The following ESRP2 variants were observed in gnomAD, a reference collection of about 807,000 sequenced individuals.
ESRP2 encodes epithelial splicing regulatory protein 2.
ESRP2 carries 48 observed loss-of-function variants against 78.6 expected under a neutral mutation model. The observed-to-expected ratio is 0.61, with a 90% CI of 0.48 to 0.78. The LOEUF (loss-of-function observed/expected upper bound fraction) is 0.78, where lower values mean the gene tolerates loss of function less well. Ranked by LOEUF, ESRP2 falls within the 30% of genes least tolerant of loss-of-function variation. The pLI is 0.00. For missense variants in ESRP2, 863 were observed against 965.9 expected, an observed-to-expected ratio of 0.89 and a Z score of 1.41; for synonymous variants, 383 against 406.7, an observed-to-expected ratio of 0.94 and a Z score of 0.70.
At position 68,231,898 on chromosome 16, in the gene ESRP2, ACAAG is replaced by A; in HGVS notation, c.1199_1202del (p.Ala400ValfsTer35). The A allele has an allele frequency of 2.5e-6, 4 of 1,613,882 alleles. No homozygotes were observed. The highest frequency in any genetic ancestry group is 3.4e-6 in the Non-Finnish European group (4 of 1,179,980). On this transcript the variant is annotated frameshift_variant, in exon 10 of 15. Transcript: ENST00000473183. LOFTEE classifies it high-confidence loss of function. This position sits in a 1 kb window ranked among gnomAD's most constrained non-coding sequence, Gnocchi z 6.0. The stretch of plus-strand genomic sequence containing the variant: ...GCAGTGCAGCCTGTGCCAGCTCCTC[ACAAG>A]CAAAGAGGGCGAAGGCATCACCAGT...
At chr16:68,230,622 C>T (rs2042116368) in intron 13 of ESRP2, 68 bp from the exon 14 acceptor site, 2 of 1,500,226 alleles carry the variant, frequency 1.3e-6, no homozygotes, top group East Asian at 2.3e-5. Context: ...CTGTTTCCCT[C>T]CTCCCTTGTT....
rs2042203681 is a variant in ESRP2, at chr16:68,235,008, GGAAAA to G, written c.327+621_327+625del. 8.5e-6 allele frequency: 4 copies of G among 470,022 alleles called. No individual in the cohort carries two copies. The highest frequency in any genetic ancestry group is 6.4e-5 in the Admixed American group (1 of 15,680). The allele number at this position is 470,022 out of a possible 1,614,324, so 29.1% of individuals were successfully genotyped here. A position where few individuals can be genotyped will look rare whatever the true frequency, so the allele number is the denominator to read the frequency against. On this transcript the variant is annotated intron_variant, in intron 2 of 14. Coordinates refer to ENST00000473183, the MANE Select transcript of ESRP2 (RefSeq NM_024939.3). The surrounding 1 kb of genome is among the most constrained non-coding windows in gnomAD (Gnocchi z 5.5). ...AGAATGAGCGCCGTAGTGAAGATAA[GGAAAA>G]GAAAACAGCAATGGAAACCACCTCC...
chr16:68,229,460 T>A lies in ESRP2; in HGVS notation c.*766A>T, dbSNP rs554763382. The stretch of plus-strand genomic sequence containing the variant: ...TGCGTGCAAAGGACATTCCATGGTG[T>A]CTGCTGGGTTCAGGGCAACTGGCTT... On this transcript the variant is annotated 3_prime_UTR_variant, in exon 15 of 15. Transcript: ENST00000473183. 1 of 152,804 alleles carries A rather than the reference T, an allele frequency of 6.5e-6. No homozygotes were observed. The highest frequency in any genetic ancestry group is 2.1e-4 in the South Asian group (1 of 4,830). 9.5% of individuals were successfully genotyped at this position (152,804 alleles called of 1,614,324 possible).
Position 68,232,752 on chromosome 16 carries a change from C to A in ESRP2, c.710+9G>T. On this transcript the variant is annotated intron_variant, in intron 6 of 14. Transcript: ENST00000473183. The surrounding 1 kb of genome is among the most constrained non-coding windows in gnomAD (Gnocchi z 5.2). ...TGTTGTCACCCCCAGCCCCTGCTCC[C>A]ACACTCACCAAGGCCCCGTCTCGTA... 6.8e-6 allele frequency: 11 copies of A among 1,614,268 alleles called. No individual in the cohort carries two copies. The highest frequency in any genetic ancestry group is 9.3e-6 in the Non-Finnish European group (11 of 1,180,046).
In ESRP2 at chr16:68,232,813, G is replaced by C. The variant is rs2042164308; in HGVS notation, c.658C>G (p.Gln220Glu). ...ATCACCTCGGGCTTCGAAAACAATT[G>C]ACCTGAGAAAAGATGGCCTGGGGGT... ...ILHLLKEPSS[Q>E]LFSKPEVIKQ... Residue 220 changes from glutamine to glutamate, a missense_variant and splice_region_variant, in exon 6 of 15, where the codon CAA becomes GAA. Gln to Glu is a conservative substitution (Grantham distance 29). Coordinates refer to ENST00000473183, the MANE Select transcript of ESRP2 (RefSeq NM_024939.3). This position sits in a 1 kb window ranked among gnomAD's most constrained non-coding sequence, Gnocchi z 5.2. 6.2e-7 allele frequency: 1 copy of C among 1,613,666 alleles called. No homozygotes were observed. Among genetic ancestry groups the C allele is most frequent in the East Asian group, 2.2e-5 (1 of 44,888 alleles).
Position 68,232,149 on chromosome 16 carries a change from C to G in ESRP2, c.998-46G>C. 6.2e-7 allele frequency: 1 copy of G among 1,611,826 alleles called. No homozygotes were observed. Among genetic ancestry groups the G allele is most frequent in the South Asian group, 1.1e-5 (1 of 90,840 alleles). ...CTGACTTCACTCATGCTCCTCCAGA[C>G]ACTCACCCATGCAGGGGAGCAGGCA... On this transcript the variant is annotated intron_variant, in intron 9 of 14. Coordinates refer to ENST00000473183, the MANE Select transcript of ESRP2 (RefSeq NM_024939.3). This position sits in a 1 kb window ranked among gnomAD's most constrained non-coding sequence, Gnocchi z 5.2.
chr16:68,231,105 C>G lies in ESRP2; in HGVS notation c.1711+73G>C. ...TGGGGTAGCCAGAAAGGAGTCCCCG[C>G]TATAGAAGGTAGGGGCTTACAACAG... On this transcript the variant is annotated intron_variant, in intron 12 of 14. Transcript: ENST00000473183. This position sits in a 1 kb window ranked among gnomAD's most constrained non-coding sequence, Gnocchi z 6.0. The G allele has an allele frequency of 6.2e-7, 1 of 1,604,344 alleles. No individual in the cohort carries two copies. The highest frequency in any genetic ancestry group is 1.1e-5 in the South Asian group (1 of 90,808).
chr16:68,231,493 G>C lies in ESRP2; in HGVS notation c.1501C>G (p.Leu501Val), dbSNP rs748683919. The change falls in exon 11 of 15, where the codon CTC (leucine) becomes GTC (valine). Residue 501 changes from leucine (L) to valine (V), a missense_variant. Physicochemically the swap from Leu to Val is conservative, Grantham distance 32. Transcript: ENST00000473183. The surrounding 1 kb of genome is among the most constrained non-coding windows in gnomAD (Gnocchi z 6.0). ...DIRPHGVHMV[L>V]NQQGRPSGDA... is the part of the protein sequence containing the mutation. ...AGCAGTGGCTTCACCTGCTGGTTGA[G>C]CACCATGTGTACACCGTGGGGCCGA... The C allele has an allele frequency of 6.2e-7, 1 of 1,614,072 alleles. No homozygotes were observed. Among genetic ancestry groups the C allele is most frequent in the Non-Finnish European group, 8.5e-7 (1 of 1,179,984 alleles).
Position 68,234,089 on chromosome 16 carries a change from C to G in ESRP2, c.346G>C (p.Gly116Arg), listed in dbSNP as rs200133479. The G allele has an allele frequency of 4.3e-6, 7 of 1,612,296 alleles. No homozygotes were observed. Among genetic ancestry groups the G allele is most frequent in the South Asian group, 1.1e-5 (1 of 90,760 alleles). ...CCCCCGCCCAGCAAAGCCACATCCC[C>G]GTTCACCAGCTGTGAGAACTGGGGA... ...VLQQFSQLVN[G>R]DVALLGGGPY... The change falls in exon 3 of 15, where the codon GGG (glycine) becomes CGG (arginine). Residue 116 changes from glycine (G) to arginine (R), a missense_variant. Gly to Arg is a moderately radical substitution (Grantham distance 125, BLOSUM62 -2). Transcript: ENST00000473183.
rs773724907 is a variant in ESRP2 at position 68,231,615 on chromosome 16, G to A, written c.1379C>T (p.Pro460Leu). Reference sequence around the variant, plus strand: ...GCGTACACAGTCCCTCCCAGTCCCAGGTGCCAGTGGGAAGGGGATGGGCAG... The same window carrying A: ...GCGTACACAGTCCCTCCCAGTCCCAAGTGCCAGTGGGAAGGGGATGGGCAG... ...PLLPIPFPLA[P>L]GTGRDCVRLR... The change falls in exon 11 of 15, where the codon CCT becomes CTT. Residue 460 changes from proline (P) to leucine (L), a missense_variant. By Grantham distance (98) the Pro-to-Leu change is moderately conservative. Coordinates refer to ENST00000473183, the MANE Select transcript of ESRP2 (RefSeq NM_024939.3). This position sits in a 1 kb window ranked among gnomAD's most constrained non-coding sequence, Gnocchi z 6.0. The A allele has an allele frequency of 1.9e-6, 3 of 1,614,004 alleles. No homozygotes were observed. The highest frequency in any genetic ancestry group is 2.5e-6 in the Non-Finnish European group (3 of 1,179,968).
In ESRP2 at chr16:68,235,585, A is replaced by C. The variant is rs2042214169; in HGVS notation, c.327+49T>G. The C allele has an allele frequency of 6.3e-7, 1 of 1,592,012 alleles. No individual in the cohort carries two copies. The highest frequency in any genetic ancestry group is 1.7e-5 in the Admixed American group (1 of 59,472). ...TAGCCTCCGGCCGCCAATCCCGCCC[A>C]GAAATGTCCTCACGTCCAGGCCATG... On this transcript the variant is annotated intron_variant, in intron 2 of 14. Transcript: ENST00000473183. The surrounding 1 kb of genome is among the most constrained non-coding windows in gnomAD (Gnocchi z 5.5).
Position 68,235,974 on chromosome 16 carries a change from G to A in ESRP2, c.72C>T (p.Cys24=). The A allele has an allele frequency of 6.3e-7, 1 of 1,598,874 alleles. No individual in the cohort carries two copies. Among genetic ancestry groups the A allele is most frequent in the Non-Finnish European group, 8.5e-7 (1 of 1,174,540 alleles). ...DPAADPAADP[C]PWPGSLVVLF... ...GGACGACCAGTGATCCGGGCCAGGGGCAGGGGTCCGCGGCGGGGTCGGCCG... is the reference window on the plus strand; with the variant it reads ...GGACGACCAGTGATCCGGGCCAGGGACAGGGGTCCGCGGCGGGGTCGGCCG... Residue 24 remains cysteine (C), a synonymous_variant, in exon 1 of 15, where the codon TGC becomes TGT. Transcript: ENST00000473183. This position sits in a 1 kb window ranked among gnomAD's most constrained non-coding sequence, Gnocchi z 5.5.
At position 68,234,066 on chromosome 16, in the gene ESRP2, C is replaced by G. The variant is rs187273955; in HGVS notation, c.369G>C (p.Gly123=). The change falls in exon 3 of 15, where the codon GGG becomes GGC. Residue 123 remains glycine (G), a synonymous_variant. Coordinates refer to ENST00000473183, the MANE Select transcript of ESRP2 (RefSeq NM_024939.3). ...LVNGDVALLG[G]GPYMLCTDGQ... Reference sequence around the variant, plus strand: ...CATCAGTGCAGAGCATGTAGGGGCCCCCGCCCAGCAAAGCCACATCCCCGT... The same window carrying G: ...CATCAGTGCAGAGCATGTAGGGGCCGCCGCCCAGCAAAGCCACATCCCCGT... The G allele has an allele frequency of 6.2e-7, 1 of 1,613,724 alleles. No homozygotes were observed. Among genetic ancestry groups the G allele is most frequent in the South Asian group, 1.1e-5 (1 of 91,002 alleles).
chr16:68,234,167 T>C (rs1269009726), intron 2 of ESRP2, 60 bp from the exon 3 acceptor site: 1 of 1,344,046 alleles, frequency 7.4e-7, no homozygotes, highest in Non-Finnish European at 1.0e-6. Flanking sequence ...AGGCAGGAAG[T>C]GAGGGTAGGA....
Position 68,233,985 on chromosome 16 carries a change from G to T in ESRP2, c.441+9C>A. The T allele has an allele frequency of 6.2e-7, 1 of 1,613,592 alleles. No individual in the cohort carries two copies. The highest frequency in any genetic ancestry group is 8.5e-7 in the Non-Finnish European group (1 of 1,179,620). On this transcript the variant is annotated intron_variant, in intron 3 of 14. Coordinates refer to ENST00000473183, the MANE Select transcript of ESRP2 (RefSeq NM_024939.3). ...CCCCACCCCACCCGGTTTTCCTTCA[G>T]GAGCATACCTTCCTGGAGGCCTCGG...
At position 68,232,790 on chromosome 16, in the gene ESRP2, C is replaced by G; in HGVS notation, c.681G>C (p.Val227=). 6.2e-7 allele frequency: 1 copy of G among 1,614,246 alleles called. No homozygotes were observed. The highest frequency in any genetic ancestry group is 8.5e-7 in the Non-Finnish European group (1 of 1,180,058). ...PSSQLFSKPE[V]IKQKYETGPC... ...GCCCCGTCTCGTATTTCTGCTTTAT[C>G]ACCTCGGGCTTCGAAAACAATTGAC... Residue 227 remains valine, a synonymous_variant, in exon 6 of 15, where the codon GTG becomes GTC. Coordinates refer to ENST00000473183, the MANE Select transcript of ESRP2 (RefSeq NM_024939.3). The surrounding 1 kb of genome is among the most constrained non-coding windows in gnomAD (Gnocchi z 5.2).
chr16:68,230,747 AG>A, intron 13 of ESRP2, 93 bp downstream of exon 13: 3 of 1,539,498 alleles, frequency 1.9e-6, no homozygotes, highest in Non-Finnish European at 1.8e-6. Context: ...TGTCATCTCA[AG>A]GGAGGAGTTA....
rs1321030264 is a variant in ESRP2, at chr16:68,229,917, G to A, written c.*309C>T. The A allele has an allele frequency of 7.7e-6, 3 of 388,984 alleles. No individual in the cohort carries two copies. The highest frequency in any genetic ancestry group is 2.0e-5 in the African/African-American group (1 of 50,358). The allele number at this position is 388,984 out of a possible 1,614,324, so 24.1% of individuals were successfully genotyped here. A position where few individuals can be genotyped will look rare whatever the true frequency, so the allele number is the denominator to read the frequency against. On this transcript the variant is annotated 3_prime_UTR_variant, in exon 15 of 15. Coordinates refer to ENST00000473183, the MANE Select transcript of ESRP2 (RefSeq NM_024939.3). The stretch of plus-strand genomic sequence containing the variant: ...ACCTGTCAGCCCCACGATATCTGTC[G>A]GCATGGGCCACAGCCAGGACAGACT...
Position 68,231,976 on chromosome 16 carries a change from A to G in ESRP2, c.1125T>C (p.Thr375=), listed in dbSNP as rs2042147380. 1 of 1,613,950 alleles carries G rather than the reference A, an allele frequency of 6.2e-7. No individual in the cohort carries two copies. Among genetic ancestry groups the G allele is most frequent in the African/African-American group, 1.3e-5 (1 of 74,898 alleles). ...LGFLGPECPV[T]GGTEGLLFVR... ...CAAAGAGCAGCCCCTCGGTACCCCCAGTCACTGGGCACTCTGGCCCCAGGA... is the reference window on the plus strand; with the variant it reads ...CAAAGAGCAGCCCCTCGGTACCCCCGGTCACTGGGCACTCTGGCCCCAGGA... The change falls in exon 10 of 15, where the codon ACT becomes ACC. Residue 375 remains threonine, a synonymous_variant. Coordinates refer to ENST00000473183, the MANE Select transcript of ESRP2 (RefSeq NM_024939.3). The surrounding 1 kb of genome is among the most constrained non-coding windows in gnomAD (Gnocchi z 6.0).
Sources: gnomAD v4.1 joint callset for allele counts on GRCh38, gnomAD v4.1.1 for gene constraint, Gnocchi (gnomAD v3.1) non-coding constraint, MANE v1.5 for transcripts, NCBI Gene and HGNC (gene_info 2026-07-23, HGNC 2026-07-21) for gene names.